CA5A: variants seen among roughly 807,000 people sequenced by gnomAD.
CA5A encodes carbonic anhydrase 5A, mitochondrial.
Under a neutral mutation model 37.1 loss-of-function variants are expected in CA5A, and 28 were observed. That is an observed-to-expected ratio of 0.75 (90% confidence interval 0.56 to 1.03). CA5A has a LOEUF of 1.03. Ranked by LOEUF, CA5A falls within the 50% of genes least tolerant of loss-of-function variation. The pLI, the probability that CA5A is intolerant of heterozygous loss-of-function variation, is 0.00. For synonymous variants in CA5A, 171 were observed against 158.4 expected, an observed-to-expected ratio of 1.08 and a Z score of -0.60; for missense variants, 444 against 399.9, an observed-to-expected ratio of 1.11 and a Z score of -0.94.
rs565557401 is a variant in CA5A, at chr16:87,899,919, CAAAAAAAAAAAAAAAAAA to C, written c.618+1975_618+1992del. ...TGGGCAACAGAGCGAGATTTTATCT[CAAAAAAAAAAAAAAAAAA>C]AAAAAAAAAAAAAAAGAGTCTAACT... On this transcript the variant is annotated intron_variant, in intron 5 of 6. Transcript: ENST00000649794. 7.3e-4 allele frequency among the ~76,000 whole-genome samples: 34 copies of C among 46,522 alleles called. 1 individual carries two copies. Among genetic ancestry groups the C allele is most frequent in the Admixed American group, 6.4e-3 (18 of 2,822 alleles). The allele number at this position is 46,522 out of a possible 152,430, so 30.5% of individuals were successfully genotyped here.
chr16:87,889,511 C>T (rs1468444750), intron 6 of CA5A, among the ~76,000 whole-genome samples: 2 of 152,166 alleles, frequency 1.3e-5, no homozygotes, highest in Admixed American at 6.5e-5. Context: ...TGGTGCCTCA[C>T]GCCTGTAATC....
At chr16:87,926,343 C>A (rs1443713448) in intron 2 of CA5A, among the ~76,000 whole-genome samples, 4 of 152,228 alleles carry the variant, frequency 2.6e-5, no homozygotes, top group Non-Finnish European at 5.9e-5. Context: ...CCTTGCAGGC[C>A]TCTGCCTAGA....
At chr16:87,909,310 C>A (rs1265058797) in intron 2 of CA5A, among the ~76,000 whole-genome samples, 1 of 152,192 alleles carries the variant, frequency 6.6e-6, no homozygotes, top group African/African-American at 2.4e-5. Context: ...TGTACCTGAA[C>A]AAGGGACTTG....
At position 87,936,096 on chromosome 16, in the gene CA5A, C is replaced by A. The variant is rs138177446; in HGVS notation, c.142+213G>T. 4.0e-3 allele frequency among the ~76,000 whole-genome samples: 600 copies of A among 149,170 alleles called. 6 individuals are homozygous for A. The highest frequency in any genetic ancestry group is 0.014 in the African/African-American group (575 of 40,472). ...CTGAGGCAGGAGAATCGCTTGAACCCGGGAAGTGGAGGTTGTGGTGAGCTG... is the reference window on the plus strand; with the variant it reads ...CTGAGGCAGGAGAATCGCTTGAACCAGGGAAGTGGAGGTTGTGGTGAGCTG... On this transcript the variant is annotated intron_variant, in intron 1 of 6. Coordinates refer to ENST00000649794, the MANE Select transcript of CA5A (RefSeq NM_001739.2).
chr16:87,920,963 T>C (rs1288245067), intron 2 of CA5A, among the ~76,000 whole-genome samples: 3 of 152,060 alleles, frequency 2.0e-5, no homozygotes, highest in East Asian at 1.9e-4. Flanking sequence ...CTGGCTACTT[T>C]TGTATTTTTT....
Position 87,916,130 on chromosome 16 carries a change from T to C in CA5A, c.340+10618A>G, listed in dbSNP as rs576160830. On this transcript the variant is annotated intron_variant, in intron 2 of 6. Transcript: ENST00000649794. ...TTGCAGTGAGCAGAGATCGCGCCACTGCACTCCAGCCTGGGTGACAGAGCA... is the reference window on the plus strand; with the variant it reads ...TTGCAGTGAGCAGAGATCGCGCCACCGCACTCCAGCCTGGGTGACAGAGCA... Among the ~76,000 whole-genome samples, 9 of 144,806 alleles carry C rather than the reference T, an allele frequency of 6.2e-5. No individual in the cohort carries two copies. The East Asian group carries it at 8.0e-4, about 13-fold the overall frequency. 95.0% of individuals were successfully genotyped at this position (144,806 alleles called of 152,430 possible). A position where few individuals can be genotyped will look rare whatever the true frequency, so the allele number is the denominator to read the frequency against.
chr16:87,902,703 G>A (rs1243625881), intron 3 of CA5A, among the ~76,000 whole-genome samples, 183 bp from the exon 4 acceptor site: 10 of 150,714 alleles, frequency 6.6e-5, no homozygotes, highest in Non-Finnish European at 1.3e-4. Context: ...TCAGGAGATC[G>A]AGACCATGCT....
intron 2 of CA5A, among the ~76,000 whole-genome samples, chr16:87,908,290 T>G (rs1300289513): frequency 6.6e-6 from 1 of 152,154 alleles, no homozygotes; most frequent in African/African-American, 2.4e-5. Context: ...AGCCTAAGCC[T>G]CTCTACCTGT....
intron 5 of CA5A, among the ~76,000 whole-genome samples, chr16:87,898,722 A>G (rs2055836058): frequency 6.9e-6 from 1 of 145,002 alleles, no homozygotes; most frequent in Non-Finnish European, 1.5e-5. Flanking sequence ...ATGCTGCTCT[A>G]GTGTGGATTT....
intron 2 of CA5A, among the ~76,000 whole-genome samples, chr16:87,915,657 G>T (rs1483936735): frequency 8.4e-6 from 1 of 118,770 alleles, no homozygotes; most frequent in Non-Finnish European, 1.6e-5. Flanking sequence ...CCACTGCACT[G>T]CAGCCTGGGC....
intron 2 of CA5A, among the ~76,000 whole-genome samples, chr16:87,920,862 C>T (rs764273415): frequency 2.6e-5 from 4 of 152,094 alleles, no homozygotes; most frequent in Admixed American, 1.3e-4. Context: ...GGCACGATCT[C>T]GGCTGACCGC....
At position 87,892,173 on chromosome 16, in the gene CA5A, C is replaced by T. The variant is rs970078866; in HGVS notation, c.619-219G>A. 1.0e-4 allele frequency: 47 copies of T among 457,342 alleles called. No homozygotes were observed. In the Admixed American group the frequency reaches 1.4e-3, roughly 14 times the overall value. 28.3% of individuals were successfully genotyped at this position (457,342 alleles called of 1,614,324 possible). A position where few individuals can be genotyped will look rare whatever the true frequency, so the allele number is the denominator to read the frequency against. On this transcript the variant is annotated intron_variant, in intron 5 of 6. Transcript: ENST00000649794. ...TGCCAACTTACATTGGTGGGAATTA[C>T]GTTACATTACACCAGCTTACGTTGG...
chr16:87,896,475 C>T (rs757628387), intron 5 of CA5A, among the ~76,000 whole-genome samples: 31 of 152,230 alleles, frequency 2.0e-4, no homozygotes, highest in Non-Finnish European at 2.9e-4. Context: ...TTCCTTTATG[C>T]ATGTGGTGAT....
At chr16:87,929,960 G>A (rs1020960273) in intron 1 of CA5A, among the ~76,000 whole-genome samples, 24 of 150,000 alleles carry the variant, frequency 1.6e-4, no homozygotes, top group Non-Finnish European at 3.2e-4. Flanking sequence ...TTGCAAAATC[G>A]CAGAATGTTT....
At chr16:87,931,228 C>A (rs569569240) in intron 1 of CA5A, among the ~76,000 whole-genome samples, 1 of 151,662 alleles carries the variant, frequency 6.6e-6, no homozygotes, top group Non-Finnish European at 1.5e-5. Flanking sequence ...TCTCCTGCCT[C>A]AGTCTCCCGA....
At position 87,924,351 on chromosome 16, in the gene CA5A, A is replaced by G. The variant is rs1037843253; in HGVS notation, c.340+2397T>C. 13 of 980,062 alleles carry G rather than the reference A, an allele frequency of 1.3e-5. 1 individual carries two copies. Among genetic ancestry groups the G allele is most frequent in the Middle Eastern group, 5.2e-4 (1 of 1,918 alleles). 60.7% of individuals were successfully genotyped at this position (980,062 alleles called of 1,614,324 possible). A position where few individuals can be genotyped will look rare whatever the true frequency, so the allele number is the denominator to read the frequency against. On this transcript the variant is annotated intron_variant, in intron 2 of 6. Coordinates refer to ENST00000649794, the MANE Select transcript of CA5A (RefSeq NM_001739.2). ...CTCCTTCTCACCTTCGAAAGGAGAG[A>G]GAGACACTGGAAGGACCAAGCCGTG...
In CA5A at chr16:87,916,099, T is replaced by C. The variant is rs182697046; in HGVS notation, c.340+10649A>G. 3.7e-3 allele frequency among the ~76,000 whole-genome samples: 523 copies of C among 140,482 alleles called. 6 individuals are homozygous for C. Among genetic ancestry groups the C allele is most frequent in the Admixed American group, 0.028 (385 of 13,802 alleles). 92.2% of individuals were successfully genotyped at this position (140,482 alleles called of 152,430 possible). A position where few individuals can be genotyped will look rare whatever the true frequency, so the allele number is the denominator to read the frequency against. ...AGGAGAATGGCGTGAACCCGGGAGGTGGAGCTTGCAGTGAGCAGAGATCGC... is the reference window on the plus strand; with the variant it reads ...AGGAGAATGGCGTGAACCCGGGAGGCGGAGCTTGCAGTGAGCAGAGATCGC... On this transcript the variant is annotated intron_variant, in intron 2 of 6. Coordinates refer to ENST00000649794, the MANE Select transcript of CA5A (RefSeq NM_001739.2).
rs368273900 is a variant in CA5A at position 87,936,374 on chromosome 16, C to T, written c.77G>A (p.Arg26His). The T allele has an allele frequency of 4.6e-5, 75 of 1,613,866 alleles. No individual in the cohort carries two copies. The highest frequency in any genetic ancestry group is 5.8e-5 in the Non-Finnish European group (69 of 1,179,964). ...ACACCATCGCCCTGGCCTCATCGAA[C>T]GACTCCAGAGAGGGGCCCACATCTG... ...VEQMWAPLWS[R>H]SMRPGRWCSQ... The change falls in exon 1 of 7, where the codon CGT becomes CAT. Residue 26 changes from arginine to histidine, a missense_variant. Arg to His is a conservative substitution (Grantham distance 29, BLOSUM62 0). Coordinates refer to ENST00000649794, the MANE Select transcript of CA5A (RefSeq NM_001739.2).
intron 2 of CA5A, among the ~76,000 whole-genome samples, 196 bp from the exon 3 acceptor site, chr16:87,905,100 C>A (rs1042365823): frequency 6.6e-6 from 1 of 152,050 alleles, no homozygotes; most frequent in African/African-American, 2.4e-5. Flanking sequence ...CCCCCCCAGC[C>A]CAGCGCCTGC....
Sources: allele counts gnomAD v4.1 joint callset (sites outside exome capture counted in the v4.1 genomes callset), GRCh38; gene constraint gnomAD v4.1.1; transcripts MANE v1.5; gene names NCBI Gene and HGNC (gene_info 2026-07-23, HGNC 2026-07-21).